AMOTL1: variants seen among roughly 807,000 people sequenced by gnomAD.
AMOTL1 encodes the protein angiomotin-like protein 1.
Under a neutral mutation model 102.9 loss-of-function variants are expected in AMOTL1, and 45 were observed. That is an observed-to-expected ratio of 0.44 (90% confidence interval 0.34 to 0.56). AMOTL1 has a LOEUF of 0.56. AMOTL1 is among the 20% of genes least tolerant of loss of function. The pLI is 0.01. For synonymous variants in AMOTL1, 481 were observed against 484.7 expected, an observed-to-expected ratio of 0.99 and a Z score of 0.10; for missense variants, 1,114 against 1,225.6, an observed-to-expected ratio of 0.91 and a Z score of 1.36.
At chr11:94,840,093 T>A (rs1565375929) in intron 6 of AMOTL1, among the ~76,000 whole-genome samples, 2 of 152,122 alleles carry the variant, frequency 1.3e-5, no homozygotes, top group East Asian at 3.9e-4. Context: ...TTAGAGTTAA[T>A]GAAAGAAAGA....
intron 3 of AMOTL1, among the ~76,000 whole-genome samples, chr11:94,809,446 C>T (rs1482247527): frequency 1.3e-5 from 2 of 152,176 alleles, no homozygotes; most frequent in Non-Finnish European, 2.9e-5. Context: ...TGACATCAGT[C>T]CAGAACCATG....
At chr11:94,826,696 C>T (rs1951971312) in intron 4 of AMOTL1, among the ~76,000 whole-genome samples, 2 of 152,206 alleles carry the variant, frequency 1.3e-5, no homozygotes, top group South Asian at 4.1e-4. Flanking sequence ...AGGGACCCGC[C>T]CCCATGACCC....
chr11:94,780,839 G>A (rs553023070), intron 1 of AMOTL1, among the ~76,000 whole-genome samples: 1 of 152,320 alleles, frequency 6.6e-6, no homozygotes, highest in African/African-American at 2.4e-5. Flanking sequence ...CAACAGCAGA[G>A]CCAGGATTCT....
At chr11:94,869,105 A>G (rs1429988903) in intron 11 of AMOTL1, 93 bp from the exon 12 acceptor site, 2 of 1,344,442 alleles carry the variant, frequency 1.5e-6, no homozygotes, top group Non-Finnish European at 9.9e-7. Context: ...GAATGAAGCA[A>G]TCATCAATCA....
At chr11:94,710,978 A>G (rs997919403) in intron 1 of AMOTL1, among the ~76,000 whole-genome samples, 1 of 152,206 alleles carries the variant, frequency 6.6e-6, no homozygotes, top group African/African-American at 2.4e-5. Context: ...AACTGAAGTT[A>G]GATGACTTCT....
intron 7 of AMOTL1, among the ~76,000 whole-genome samples, chr11:94,850,592 T>C (rs1453885625): frequency 6.6e-6 from 1 of 152,188 alleles, no homozygotes; most frequent in Non-Finnish European, 1.5e-5. Context: ...ACCCGTTAGC[T>C]TAAGTGTTAT....
chr11:94,852,507 G>C (rs1229198679), intron 7 of AMOTL1, among the ~76,000 whole-genome samples: 1 of 152,218 alleles, frequency 6.6e-6, no homozygotes, highest in African/African-American at 2.4e-5. Context: ...TGATGCCTAA[G>C]CCTGATTTTT....
chr11:94,720,205 A>G (rs1449381522), intron 1 of AMOTL1, among the ~76,000 whole-genome samples: 1 of 152,112 alleles, frequency 6.6e-6, no homozygotes, highest in Non-Finnish European at 1.5e-5. Flanking sequence ...CTTTGCTCAA[A>G]TATATATGAA....
intron 6 of AMOTL1, among the ~76,000 whole-genome samples, chr11:94,849,321 G>A (rs1952482656): frequency 6.6e-6 from 1 of 152,144 alleles, no homozygotes; most frequent in Non-Finnish European, 1.5e-5. Flanking sequence ...TTAAAAAACA[G>A]CATATTGCTT....
intron 10 of AMOTL1, among the ~76,000 whole-genome samples, chr11:94,865,526 GTTC>G (rs1952862989): frequency 6.6e-6 from 1 of 152,134 alleles, no homozygotes; most frequent in Non-Finnish European, 1.5e-5. Flanking sequence ...GTTCATCTTG[GTTC>G]TTTTTTCTTA....
At chr11:94,800,402 T>C in intron 3 of AMOTL1, 91 bp downstream of exon 3, 1 of 1,389,830 alleles carries the variant, frequency 7.2e-7, no homozygotes, top group East Asian at 2.3e-5. Flanking sequence ...GATTAGGTTT[T>C]TGTCATCAGG....
At chr11:94,791,836 T>C (rs1951290498) in intron 1 of AMOTL1, among the ~76,000 whole-genome samples, 1 of 152,264 alleles carries the variant, frequency 6.6e-6, no homozygotes. Flanking sequence ...GCTTAGATCA[T>C]GTGCCCTGCA....
chr11:94,746,782 G>A (rs899531686), intron 3 of AMOTL1, among the ~76,000 whole-genome samples: 3 of 146,296 alleles, frequency 2.1e-5, no homozygotes, highest in African/African-American at 8.1e-5. Flanking sequence ...TGTTTGCTTG[G>A]GTTTAATCAC....
intron 3 of AMOTL1, among the ~76,000 whole-genome samples, chr11:94,745,306 T>C (rs1216201274): frequency 1.4e-5 from 2 of 146,738 alleles, no homozygotes; most frequent in African/African-American, 5.1e-5. Context: ...TGTCCAAGTG[T>C]TCTAATTGAA....
At chr11:94,810,459 C>T (rs1424045670) in intron 3 of AMOTL1, among the ~76,000 whole-genome samples, 11 of 149,890 alleles carry the variant, frequency 7.3e-5, no homozygotes, top group East Asian at 2.0e-4. Flanking sequence ...ACTTTAAACA[C>T]CCCAGAGTAA....
At chr11:94,805,732 A>G (rs559126572) in intron 3 of AMOTL1, among the ~76,000 whole-genome samples, 17 of 152,298 alleles carry the variant, frequency 1.1e-4, no homozygotes, top group South Asian at 6.2e-4. Context: ...TTGTTCATCT[A>G]TGAGTACGTT....
At chr11:94,824,746 C>G (rs923164894) in intron 4 of AMOTL1, among the ~76,000 whole-genome samples, 5 of 152,154 alleles carry the variant, frequency 3.3e-5, no homozygotes, top group Non-Finnish European at 7.4e-5. Context: ...GGATGTGACC[C>G]CTGTTTTGCT....
intron 6 of AMOTL1, among the ~76,000 whole-genome samples, chr11:94,835,944 A>G (rs1952170803): frequency 6.6e-6 from 1 of 152,216 alleles, no homozygotes; most frequent in African/African-American, 2.4e-5. Flanking sequence ...AATGTGTTGG[A>G]CCATATTGTT....
intron 8 of AMOTL1, 39 bp from the exon 9 acceptor site, chr11:94,859,486 G>T: frequency 6.4e-7 from 1 of 1,569,012 alleles, no homozygotes; most frequent in South Asian, 1.2e-5. Context: ...CAGCATTGAT[G>T]TGGTTTTGAG....
Sources: allele counts gnomAD v4.1 joint callset (sites outside exome capture counted in the v4.1 genomes callset), GRCh38; gene constraint gnomAD v4.1.1; transcripts MANE v1.5; gene names NCBI Gene and HGNC (gene_info 2026-07-23, HGNC 2026-07-21).